Variants in GPC5 observed in about 807,000 individuals in gnomAD.
GPC5 encodes glypican-5.
A neutral mutation model predicts 53.9 loss-of-function variants in GPC5; 47 were observed. The ratio of observed to expected loss-of-function variants is 0.87; its 90% CI spans 0.69 to 1.11. GPC5 has a LOEUF of 1.11. GPC5 is among the 50% of genes most tolerant of loss of function. The pLI is 0.00. For synonymous variants in GPC5, 286 were observed against 263.3 expected (o/e 1.09, Z -0.84); for missense variants, 748 against 713.1 (o/e 1.05, Z -0.56).
chr13:91,621,623 G>A (rs2033858018), intron 2 of GPC5, among the ~76,000 whole-genome samples: 1 of 151,736 alleles, frequency 6.6e-6, no homozygotes, highest in Non-Finnish European at 1.5e-5. Flanking sequence ...CAAAAAGAGA[G>A]TAAAATATAA....
At chr13:92,575,717 C>G (rs1883170149) in intron 7 of GPC5, among the ~76,000 whole-genome samples, 1 of 152,164 alleles carries the variant, frequency 6.6e-6, no homozygotes, top group African/African-American at 2.4e-5. Flanking sequence ...GTGTCTTTAT[C>G]TCATTTTGTT....
At chr13:91,959,672 G>A (rs2040108648) in intron 6 of GPC5, among the ~76,000 whole-genome samples, 1 of 151,916 alleles carries the variant, frequency 6.6e-6, no homozygotes, top group Non-Finnish European at 1.5e-5. Flanking sequence ...AAATTCCATA[G>A]CACATCAAAA....
chr13:92,750,314 T>C (rs189167593), intron 7 of GPC5, among the ~76,000 whole-genome samples: 3 of 152,290 alleles, frequency 2.0e-5, no homozygotes, highest in Non-Finnish European at 4.4e-5. Context: ...ATGCACATTT[T>C]TGTCTTGTCT....
At chr13:91,985,910 A>G (rs2040402384) in intron 6 of GPC5, among the ~76,000 whole-genome samples, 1 of 151,350 alleles carries the variant, frequency 6.6e-6, no homozygotes, top group Admixed American at 6.6e-5. Context: ...GATGAAAACC[A>G]AAATACTCAA....
At chr13:92,700,435 T>C (rs911018821) in intron 7 of GPC5, among the ~76,000 whole-genome samples, 2 of 152,062 alleles carry the variant, frequency 1.3e-5, no homozygotes, top group Non-Finnish European at 2.9e-5. Flanking sequence ...AATTAGCCCA[T>C]TTACATTTAA....
At chr13:92,638,274 A>G (rs777993315) in intron 7 of GPC5, among the ~76,000 whole-genome samples, 3 of 152,184 alleles carry the variant, frequency 2.0e-5, no homozygotes, top group Non-Finnish European at 4.4e-5. Context: ...TGACCTGAAC[A>G]TTGCTTTGAG....
chr13:92,172,973 T>C (rs200594094), intron 7 of GPC5, among the ~76,000 whole-genome samples: 1 of 86,028 alleles, frequency 1.2e-5, no homozygotes, highest in African/African-American at 3.1e-5. Flanking sequence ...GTTAACAATA[T>C]AAGAAACGTT....
intron 6 of GPC5, among the ~76,000 whole-genome samples, chr13:92,043,636 A>G (rs2040958870): frequency 6.6e-6 from 1 of 152,178 alleles, no homozygotes; most frequent in Admixed American, 6.6e-5. Context: ...CTCTGCAGAC[A>G]TTGCAGTTAT....
intron 2 of GPC5, among the ~76,000 whole-genome samples, chr13:91,540,115 A>G (rs1319877483): frequency 6.6e-6 from 1 of 152,234 alleles, no homozygotes; most frequent in African/African-American, 2.4e-5. Context: ...CAACAGTACT[A>G]GGACTAAGCA....
At chr13:91,981,707 C>G (rs1338492792) in intron 6 of GPC5, among the ~76,000 whole-genome samples, 2 of 152,094 alleles carry the variant, frequency 1.3e-5, no homozygotes, top group African/African-American at 4.8e-5. Flanking sequence ...GTATAGAAGA[C>G]AAATTGATTA....
chr13:91,689,227 A>ATATT (rs1555338060), intron 2 of GPC5, among the ~76,000 whole-genome samples: 29 of 102,746 alleles, frequency 2.8e-4, no homozygotes, highest in Admixed American at 1.5e-3. Flanking sequence ...ATATATATAT[A>ATATT]TATACACATA....
At chr13:92,052,260 C>G (rs948736983) in intron 6 of GPC5, among the ~76,000 whole-genome samples, 1 of 152,092 alleles carries the variant, frequency 6.6e-6, no homozygotes, top group Non-Finnish European at 1.5e-5. Flanking sequence ...TGTAGTGTGC[C>G]CGGGGTTGGT....
intron 2 of GPC5, among the ~76,000 whole-genome samples, chr13:91,658,495 A>C (rs1211840863): frequency 6.6e-6 from 1 of 152,122 alleles, no homozygotes; most frequent in African/African-American, 2.4e-5. Flanking sequence ...CCAAAGTTAA[A>C]ATTTTCAATC....
chr13:92,296,483 T>A (rs1279100151), intron 7 of GPC5, among the ~76,000 whole-genome samples: 1 of 152,082 alleles, frequency 6.6e-6, no homozygotes, highest in Non-Finnish European at 1.5e-5. Context: ...ATGTTCCTAG[T>A]GAGAGGTAAC....
At chr13:92,394,070 C>T (rs1457033106) in intron 7 of GPC5, among the ~76,000 whole-genome samples, 1 of 152,062 alleles carries the variant, frequency 6.6e-6, no homozygotes, top group Non-Finnish European at 1.5e-5. Context: ...CAGTGGGTTA[C>T]TTCCTGAAGA....
chr13:92,593,387 A>T (rs998395650), intron 7 of GPC5, among the ~76,000 whole-genome samples: 1 of 151,014 alleles, frequency 6.6e-6, no homozygotes. Flanking sequence ...GTACTGAGAT[A>T]AGGAAGATTG....
intron 3 of GPC5, among the ~76,000 whole-genome samples, chr13:91,723,132 T>A (rs1219913509): frequency 2.0e-5 from 3 of 152,156 alleles, no homozygotes; most frequent in African/African-American, 7.2e-5. Context: ...TTTCATAGTT[T>A]TAGGGCATAA....
At chr13:92,520,592 A>C (rs1325718568) in intron 7 of GPC5, among the ~76,000 whole-genome samples, 3 of 152,188 alleles carry the variant, frequency 2.0e-5, no homozygotes, top group Admixed American at 2.0e-4. Flanking sequence ...CCTTCATGCT[A>C]AAAACTCTCA....
intron 2 of GPC5, among the ~76,000 whole-genome samples, chr13:91,665,607 A>G (rs2035092921): frequency 6.6e-6 from 1 of 151,248 alleles, no homozygotes; most frequent in Admixed American, 6.6e-5. Context: ...GGTTCATGCC[A>G]TTCTCCTGCC....
Sources: allele counts gnomAD v4.1 joint callset (sites outside exome capture counted in the v4.1 genomes callset), GRCh38; gene constraint gnomAD v4.1.1; transcripts MANE v1.5; gene names NCBI Gene and HGNC (gene_info 2026-07-23, HGNC 2026-07-21).